SLC44A2: variants seen among roughly 807,000 people sequenced by gnomAD.
SLC44A2 encodes the protein solute carrier family 44 member 2 (CTL2 blood group).
SLC44A2 carries 57 observed loss-of-function variants against 90.8 expected under a neutral mutation model. The ratio of observed to expected loss-of-function variants is 0.63; its 90% CI spans 0.51 to 0.78. The LOEUF (loss-of-function observed/expected upper bound fraction) is 0.78. SLC44A2 is among the 30% of genes least tolerant of loss of function. SLC44A2 has a pLI of 0.00. For missense variants in SLC44A2, 794 were observed against 919.7 expected (o/e 0.86, Z 1.77); for synonymous variants, 355 against 360.7 (o/e 0.98, Z 0.18).
intron 2 of SLC44A2, among the ~76,000 whole-genome samples, chr19:10,627,119 G>C (rs572362563): frequency 7.5e-4 from 114 of 152,194 alleles, no homozygotes; most frequent in Non-Finnish European, 1.4e-3. Flanking sequence ...TTAGGAGTTC[G>C]AGACCAGCCT....
chr19:10,636,229 C>T, intron 14 of SLC44A2, 94 bp from the exon 15 acceptor site: 3 of 1,430,672 alleles, frequency 2.1e-6, no homozygotes, highest in Non-Finnish European at 2.8e-6. Context: ...CCTGTCCTAC[C>T]TCATGGTTTT....
In SLC44A2 at chr19:10,625,663, G is replaced by A; in HGVS notation, c.30G>A (p.Gly10=). MGDERPHYY[G]KHGTPQKYDP... ...GGGACGAGCGGCCCCACTACTACGGGAAACACGGTAGGCAGCGACCCCCGC... is the reference window on the plus strand; with the variant it reads ...GGGACGAGCGGCCCCACTACTACGGAAAACACGGTAGGCAGCGACCCCCGC... The change falls in exon 1 of 22, where the codon GGG becomes GGA. Residue 10 remains glycine, a synonymous_variant. Coordinates refer to ENST00000335757, the MANE Select transcript of SLC44A2 (RefSeq NM_020428.4). 8.0e-7 allele frequency: 1 copy of A among 1,250,558 alleles called. No individual in the cohort carries two copies. Among genetic ancestry groups the A allele is most frequent in the Non-Finnish European group, 1.0e-6 (1 of 991,616 alleles). The allele number at this position is 1,250,558 out of a possible 1,614,324, so 77.5% of individuals were successfully genotyped here.
intron 1 of SLC44A2, chr19:10,602,660 G>T: frequency 9.0e-7 from 1 of 1,114,382 alleles, no homozygotes. Context: ...CGGCGCTGCG[G>T]CTGGATGGCC....
In SLC44A2 at chr19:10,631,849, C is replaced by T; in HGVS notation, c.627-19C>T. 2 of 1,614,256 alleles carry T rather than the reference C, an allele frequency of 1.2e-6. No individual in the cohort carries two copies. Among genetic ancestry groups the T allele is most frequent in the Non-Finnish European group, 8.5e-7 (1 of 1,180,038 alleles). On this transcript the variant is annotated intron_variant, in intron 8 of 21. Transcript: ENST00000335757. ...TCATGGAAGAGGGTCTGACCCGAGC[C>T]TTGTCCTCCTTCCCCCAGGAAAGCC...
chr19:10,616,876 G>A lies in SLC44A2; in HGVS notation c.32-9377G>A, dbSNP rs191259449. ...TCCCACCTCAGTCTCCCTGGTAGCT[G>A]GGACTACAGGCACGGACCACCACGC... On this transcript the variant is annotated intron_variant, in intron 1 of 21. Coordinates refer to the SLC44A2 transcript ENST00000407327. Among the ~76,000 whole-genome samples the A allele has an allele frequency of 3.5e-3, 535 of 152,132 alleles. 6 individuals carry two copies. Among genetic ancestry groups the A allele is most frequent in the Middle Eastern group, 0.017 (5 of 294 alleles).
At chr19:10,620,661 C>A (rs1456669528), upstream of SLC44A2, among the ~76,000 whole-genome samples, 1 of 152,138 alleles carries the variant, frequency 6.6e-6, no homozygotes, top group Admixed American at 6.6e-5. Context: ...ATGAAAGACA[C>A]ACAAATCCCT....
intron 20 of SLC44A2, among the ~76,000 whole-genome samples, chr19:10,640,866 A>G (rs748796160): frequency 1.3e-5 from 2 of 151,664 alleles, no homozygotes; most frequent in African/African-American, 2.4e-5. Flanking sequence ...CAGGCGGATC[A>G]TGAACGTCAG....
chr19:10,627,001 ACT>A (rs1178640403), intron 2 of SLC44A2, among the ~76,000 whole-genome samples: 2 of 147,132 alleles, frequency 1.4e-5, no homozygotes, highest in African/African-American at 2.5e-5. Flanking sequence ...CAAGAGCGAG[ACT>A]CTGTCTCAAA....
At chr19:10,641,239 C>G in intron 20 of SLC44A2, 1 of 352,416 alleles carries the variant, frequency 2.8e-6, no homozygotes, top group African/African-American at 2.2e-5. Context: ...CAAAAAAATA[C>G]AAAAATTAGC....
In SLC44A2 at chr19:10,632,085, T is replaced by C. The variant is rs2067002774; in HGVS notation, c.752T>C (p.Ile251Thr). Residue 251 changes from isoleucine (I) to threonine (T), a missense_variant, in exon 10 of 22, where the codon ATC (isoleucine) becomes ACC (threonine). Around this residue, in one of 3 missense-constraint regions of SLC44A2, gnomAD observed 738 missense variants for 841.1 expected, o/e 0.88. Coordinates refer to ENST00000335757, the MANE Select transcript of SLC44A2 (RefSeq NM_020428.4). ...IAMAMSLLFI[I>T]LLRFLAGIMV... Reference sequence around the variant, plus strand: ...ATGGCGATGAGCCTCCTGTTCATCATCCTGCTTCGCTTCCTGGCTGGTATT... The same window carrying C: ...ATGGCGATGAGCCTCCTGTTCATCACCCTGCTTCGCTTCCTGGCTGGTATT... The C allele has an allele frequency of 1.9e-6, 3 of 1,614,198 alleles. 1 individual carries two copies. Among genetic ancestry groups the C allele is most frequent in the Non-Finnish European group, 2.5e-6 (3 of 1,180,038 alleles).
intron 20 of SLC44A2, 33 bp from the exon 21 acceptor site, chr19:10,642,334 C>G (rs746773817): frequency 1.3e-6 from 2 of 1,593,934 alleles, no homozygotes; most frequent in Non-Finnish European, 1.7e-6. Context: ...GGGAAGGACA[C>G]GGAGCAGGGA....
intron 1 of SLC44A2, among the ~76,000 whole-genome samples, chr19:10,620,068 C>T (rs893970631): frequency 5.3e-5 from 8 of 152,034 alleles, no homozygotes; most frequent in African/African-American, 1.4e-4. Flanking sequence ...CCCAGCTACT[C>T]GAGAGGCTGA....
At chr19:10,642,292 A>G (rs10405617) in intron 20 of SLC44A2, 75 bp from the exon 21 acceptor site, 870,938 of 1,243,380 alleles carry the variant, frequency 0.7, 308,382 homozygotes, top group African/African-American at 0.91. Context: ...TGGTCCCAGC[A>G]TAGGATGGAC....
intron 20 of SLC44A2, among the ~76,000 whole-genome samples, chr19:10,639,315 G>A (rs1599259259): frequency 1.3e-5 from 2 of 152,166 alleles, no homozygotes; most frequent in Admixed American, 1.3e-4. Context: ...TTAGAGTTTG[G>A]GGGTAAACAG....
chr19:10,631,016 A>T (rs2144857328), intron 4 of SLC44A2, 41 bp from the exon 5 acceptor site: 1 of 1,553,242 alleles, frequency 6.4e-7, no homozygotes, highest in Non-Finnish European at 8.8e-7. Context: ...AAAAAAAAAA[A>T]AAAATCTTAA....
At chr19:10,638,167 T>C in intron 19 of SLC44A2, 60 bp from the exon 20 acceptor site, 1 of 1,612,408 alleles carries the variant, frequency 6.2e-7, no homozygotes, top group Non-Finnish European at 8.5e-7. Flanking sequence ...GTCATCTTCT[T>C]AGGAGGCTGT....
intron 1 of SLC44A2, among the ~76,000 whole-genome samples, chr19:10,620,350 G>A (rs575605897): frequency 9.2e-5 from 14 of 152,140 alleles, no homozygotes; most frequent in Non-Finnish European, 1.6e-4. Flanking sequence ...GCATAGTGGT[G>A]TGCGCCTGTA....
chr19:10,608,131 G>T (rs1397667940), intron 1 of SLC44A2, among the ~76,000 whole-genome samples: 1 of 151,656 alleles, frequency 6.6e-6, no homozygotes, highest in Admixed American at 6.6e-5. Context: ...GCTGAGGCAG[G>T]AGAATCGCTT....
intron 13 of SLC44A2, 34 bp from the exon 14 acceptor site, chr19:10,635,397 G>T (rs756927406): frequency 6.2e-7 from 1 of 1,613,284 alleles, no homozygotes; most frequent in South Asian, 1.1e-5. Context: ...GGGGTCCTCA[G>T]TCCTAGACCT....
Sources: gnomAD v4.1 joint callset for allele counts (sites outside exome capture counted in the v4.1 genomes callset) on GRCh38, gnomAD v4.1.1 for gene constraint, gnomAD v4.1.1 regional missense constraint, MANE v1.5 for transcripts, NCBI Gene and HGNC (gene_info 2026-07-23, HGNC 2026-07-21) for gene names.